CHSY1: variants seen among roughly 807,000 people sequenced by gnomAD.
CHSY1 encodes chondroitin sulfate synthase 1.
Under a neutral mutation model 59.8 loss-of-function variants are expected in CHSY1, and 13 were observed. The observed-to-expected ratio is 0.22, with a 90% CI of 0.14 to 0.35. The LOEUF (loss-of-function observed/expected upper bound fraction) is 0.35, where lower values mean the gene tolerates loss of function less well. Ranked by LOEUF, CHSY1 falls within the 10% of genes least tolerant of loss-of-function variation. The pLI, the probability that CHSY1 is intolerant of heterozygous loss-of-function variation, is 1.00. For missense variants in CHSY1, 947 were observed against 1,030.6 expected (o/e 0.92, Z 1.11); for synonymous variants, 459 against 401.2 (o/e 1.14, Z -1.72).
At chr15:101,227,166 A>AC (rs1370193766) in intron 2 of CHSY1, among the ~76,000 whole-genome samples, 1 of 152,170 alleles carries the variant, frequency 6.6e-6, no homozygotes, top group Non-Finnish European at 1.5e-5. Context: ...TCTGTTTTCT[A>AC]CCCTAGCCTT....
chr15:101,221,563 A>T (rs141561384), intron 2 of CHSY1, among the ~76,000 whole-genome samples: 1 of 152,190 alleles, frequency 6.6e-6, no homozygotes, highest in Non-Finnish European at 1.5e-5. Context: ...TGCTCACTTT[A>T]CCCTAATAAA....
chr15:101,251,243 G>A lies in CHSY1; in HGVS notation c.214C>T (p.Pro72Ser), dbSNP rs781191772. 4.5e-6 allele frequency: 7 copies of A among 1,551,282 alleles called. No individual in the cohort carries two copies. The South Asian group carries it at 5.8e-5, about 13-fold the overall frequency. Reference sequence around the variant, plus strand: ...CCGCCATCTGGGTCCGAGCCGGGCGGCCAGAGCTGCGCCCCGCGCGCATCG... The same window carrying A: ...CCGCCATCTGGGTCCGAGCCGGGCGACCAGAGCTGCGCCCCGCGCGCATCG... ...RGDARGAQLW[P>S]PGSDPDGGPR... Residue 72 changes from proline to serine, a missense_variant, in exon 1 of 3, where the codon CCG (proline) becomes TCG (serine). Coordinates refer to ENST00000254190, the MANE Select transcript of CHSY1 (RefSeq NM_014918.5).
chr15:101,201,104 G>A lies in CHSY1; in HGVS notation c.817-22124C>T, dbSNP rs142016897. ...AGGGCAACCCAGAGTGTGTCTATAG[G>A]TGGGGGCGGTGCGGGGGGAGGTGGT... On this transcript the variant is annotated intron_variant, in intron 2 of 2. Transcript: ENST00000254190. Among the ~76,000 whole-genome samples, 299 of 151,830 alleles carry A rather than the reference G, an allele frequency of 2.0e-3. 1 individual carries two copies. Among genetic ancestry groups the A allele is most frequent in the Non-Finnish European group, 3.3e-3 (221 of 67,936 alleles).
At chr15:101,201,364 C>T (rs1310284905) in intron 2 of CHSY1, among the ~76,000 whole-genome samples, 1 of 152,212 alleles carries the variant, frequency 6.6e-6, no homozygotes, top group African/African-American at 2.4e-5. Flanking sequence ...TTAAGGCATC[C>T]TGGCAGGAGG....
chr15:101,228,768 A>G (rs2141271404), intron 2 of CHSY1, among the ~76,000 whole-genome samples: 1 of 152,316 alleles, frequency 6.6e-6, no homozygotes. Context: ...TTATACAGTA[A>G]CTCAAATAGG....
rs1453497812 is a variant in CHSY1 at position 101,202,461 on chromosome 15, AGCGC to A, written c.817-23485_817-23482del. 1.5e-4 allele frequency among the ~76,000 whole-genome samples: 10 copies of A among 66,510 alleles called. 1 individual carries two copies. The East Asian group carries it at 6.1e-3, about 40-fold the overall frequency. The allele number at this position is 66,510 out of a possible 152,430, so 43.6% of individuals were successfully genotyped here. ...CAGCAGAGGCTGCAGGGAAGGATGG[AGCGC>A]ATTTCTGCAGGAGGGGCAGTGGGAT... On this transcript the variant is annotated intron_variant, in intron 2 of 2. Transcript: ENST00000254190.
intron 2 of CHSY1, among the ~76,000 whole-genome samples, chr15:101,229,966 G>A (rs906734087): frequency 4.0e-5 from 6 of 149,448 alleles, no homozygotes; most frequent in African/African-American, 1.2e-4. Context: ...TTTTTGAGAC[G>A]GAGTTTTGCT....
At chr15:101,197,927 C>A (rs561483413) in intron 2 of CHSY1, among the ~76,000 whole-genome samples, 64 of 152,104 alleles carry the variant, frequency 4.2e-4, no homozygotes, top group Non-Finnish European at 8.5e-4. Flanking sequence ...AAACAAAAAC[C>A]CAGTCCACCA....
At chr15:101,242,889 G>A (rs2039016095) in intron 1 of CHSY1, among the ~76,000 whole-genome samples, 1 of 152,174 alleles carries the variant, frequency 6.6e-6, no homozygotes, top group African/African-American at 2.4e-5. Flanking sequence ...ACGTCCTTAT[G>A]ACCTGTCCAA....
At position 101,239,951 on chromosome 15, in the gene CHSY1, A is replaced by G. The variant is rs1196951230; in HGVS notation, c.321-4374T>C. On this transcript the variant is annotated intron_variant, in intron 1 of 2. Coordinates refer to ENST00000254190, the MANE Select transcript of CHSY1 (RefSeq NM_014918.5). ...AGTACAACCAGCACAGACGCAATTA[A>G]TGTCTCAACTATGACTGAAATGGTG... 2.0e-5 allele frequency among the ~76,000 whole-genome samples: 3 copies of G among 152,236 alleles called. No homozygotes were observed. The East Asian group carries it at 5.8e-4, about 29-fold the overall frequency.
At position 101,176,422 on chromosome 15, in the gene CHSY1, T is replaced by C. The variant is rs2038189210; in HGVS notation, c.*966A>G. On this transcript the variant is annotated 3_prime_UTR_variant, in exon 3 of 3. Transcript: ENST00000254190. ...TCAGATTTATTGTAATAATTCATCT[T>C]TGTCATTCTAAACATTAATATTTTA... The C allele has an allele frequency of 2.5e-6, 1 of 398,484 alleles. No individual in the cohort carries two copies. The highest frequency in any genetic ancestry group is 4.4e-5 in the Admixed American group (1 of 22,710). 24.7% of individuals were successfully genotyped at this position (398,484 alleles called of 1,614,324 possible). A position where few individuals can be genotyped will look rare whatever the true frequency, so the allele number is the denominator to read the frequency against.
At chr15:101,250,749 A>ATCCAGTATCAGCCCCAACTGCC (rs2039099204) in intron 1 of CHSY1, among the ~76,000 whole-genome samples, 1 of 152,202 alleles carries the variant, frequency 6.6e-6, no homozygotes, top group Non-Finnish European at 1.5e-5. Context: ...ATTTTAGGGA[A>ATCCAGTATCAGCCCCAACTGCC]TCCAGTATCA....
chr15:101,248,863 A>T (rs192340652), intron 1 of CHSY1, among the ~76,000 whole-genome samples: 3 of 152,030 alleles, frequency 2.0e-5, no homozygotes, highest in East Asian at 1.9e-4. Context: ...CTCGGGTCAC[A>T]GCAACCTCTG....
intron 1 of CHSY1, among the ~76,000 whole-genome samples, chr15:101,248,728 T>C (rs2141283990): frequency 6.6e-6 from 1 of 152,316 alleles, no homozygotes; most frequent in South Asian, 2.1e-4. Flanking sequence ...TAAGCTCGAG[T>C]TTGGAAAACC....
At position 101,199,087 on chromosome 15, in the gene CHSY1, G is replaced by A. The variant is rs187884817; in HGVS notation, c.817-20107C>T. 1.9e-3 allele frequency among the ~76,000 whole-genome samples: 292 copies of A among 152,302 alleles called. 1 individual carries two copies. Among genetic ancestry groups the A allele is most frequent in the African/African-American group, 6.4e-3 (267 of 41,556 alleles). On this transcript the variant is annotated intron_variant, in intron 2 of 2. Coordinates refer to ENST00000254190, the MANE Select transcript of CHSY1 (RefSeq NM_014918.5). ...GCTGCTCCCTGCTCCCACTGCTGCT[G>A]CCCAAACCACATGCCTGACCTGTGC... is the stretch of plus-strand genomic sequence containing the variant.
In CHSY1 at chr15:101,204,301, G is replaced by A. The variant is rs538227896; in HGVS notation, c.817-25321C>T. Among the ~76,000 whole-genome samples, 27 of 152,178 alleles carry A rather than the reference G, an allele frequency of 1.8e-4. No homozygotes were observed. In the South Asian group the frequency reaches 5.6e-3, roughly 32 times the overall value. On this transcript the variant is annotated intron_variant, in intron 2 of 2. Transcript: ENST00000254190. ...ATACAAAAATTAGCTGGGCGTGGTGGCGTGCACCTGTAATCCCAGCTACTC... is the reference window on the plus strand; with the variant it reads ...ATACAAAAATTAGCTGGGCGTGGTGACGTGCACCTGTAATCCCAGCTACTC...
In CHSY1 at chr15:101,201,116, C is replaced by T. The variant is rs770119928; in HGVS notation, c.817-22136G>A. On this transcript the variant is annotated intron_variant, in intron 2 of 2. Transcript: ENST00000254190. Reference sequence around the variant, plus strand: ...AGTGTGTCTATAGGTGGGGGCGGTGCGGGGGGAGGTGGTCGGGGGTGGCGG... The same window carrying T: ...AGTGTGTCTATAGGTGGGGGCGGTGTGGGGGGAGGTGGTCGGGGGTGGCGG... 1.4e-3 allele frequency among the ~76,000 whole-genome samples: 11 copies of T among 7,630 alleles called. No individual in the cohort carries two copies. In the South Asian group the frequency reaches 0.019, roughly 13 times the overall value. The allele number at this position is 7,630 out of a possible 152,430, so 5.0% of individuals were successfully genotyped here.
At chr15:101,195,757 G>A (rs1174394639) in intron 2 of CHSY1, among the ~76,000 whole-genome samples, 8 of 150,714 alleles carry the variant, frequency 5.3e-5, no homozygotes, top group Non-Finnish European at 7.4e-5. Flanking sequence ...CCTGGGAGGC[G>A]GAGCTTGCAG....
At chr15:101,194,682 C>T (rs1236378876) in intron 2 of CHSY1, among the ~76,000 whole-genome samples, 1 of 152,188 alleles carries the variant, frequency 6.6e-6, no homozygotes, top group Non-Finnish European at 1.5e-5. Flanking sequence ...TAGAACAGAT[C>T]TGCTGCATGC....
Sources: gnomAD v4.1 joint callset for allele counts (sites outside exome capture counted in the v4.1 genomes callset) on GRCh38, gnomAD v4.1.1 for gene constraint, MANE v1.5 for transcripts, NCBI Gene and HGNC (gene_info 2026-07-23, HGNC 2026-07-21) for gene names.